MRPL35: variants seen among roughly 807,000 people sequenced by gnomAD.
MRPL35 encodes the protein large ribosomal subunit protein bL35m.
Under a neutral mutation model 21.6 loss-of-function variants are expected in MRPL35, and 18 were observed. The ratio of observed to expected loss-of-function variants is 0.83; its 90% CI spans 0.58 to 1.24. MRPL35 has a LOEUF of 1.24. MRPL35 is among the 50% of genes most tolerant of loss of function. MRPL35 has a pLI of 0.00. For synonymous variants in MRPL35, 87 were observed against 86.9 expected (o/e 1.00, Z -0.01); for missense variants, 223 against 223.2 (o/e 1.00, Z 0.01).
rs957447952 is a variant in MRPL35 at position 86,212,345 on chromosome 2, T to C, written c.*1677T>C. ...GGGACCAATAAATAAAGAACAGACA[T>C]TTGATTTGAGGTGAGGTAAAAGCCT... On this transcript the variant is annotated 3_prime_UTR_variant, in exon 4 of 4. Coordinates refer to ENST00000337109, the MANE Select transcript of MRPL35 (RefSeq NM_016622.4). The C allele has an allele frequency of 6.2e-7, 1 of 1,609,820 alleles. No individual in the cohort carries two copies. The highest frequency in any genetic ancestry group is 8.5e-7 in the Non-Finnish European group (1 of 1,178,084).
intron 1 of MRPL35, among the ~76,000 whole-genome samples, chr2:86,204,897 G>A (rs1178620547): frequency 1.3e-5 from 2 of 152,178 alleles, no homozygotes; most frequent in East Asian, 3.8e-4. Context: ...ATTACTAATA[G>A]CCTACTGTTG....
intron 1 of MRPL35, among the ~76,000 whole-genome samples, chr2:86,204,254 G>A (rs1673745511): frequency 6.6e-6 from 1 of 152,014 alleles, no homozygotes; most frequent in African/African-American, 2.4e-5. Flanking sequence ...AAAGTGCTAG[G>A]ATTACAGGCA....
chr2:86,210,042 A>G (rs906547125), intron 3 of MRPL35, among the ~76,000 whole-genome samples: 2 of 152,196 alleles, frequency 1.3e-5, no homozygotes, highest in African/African-American at 4.8e-5. Context: ...ATTAGCCCTC[A>G]GACCTCTGTC....
intron 1 of MRPL35, among the ~76,000 whole-genome samples, chr2:86,204,960 C>T (rs898344417): frequency 2.0e-5 from 3 of 152,152 alleles, no homozygotes; most frequent in Non-Finnish European, 4.4e-5. Context: ...ATTCTGAGGC[C>T]GGGCACGGTG....
Position 86,211,409 on chromosome 2 carries a change from G to C in MRPL35, c.*741G>C, listed in dbSNP as rs1168689390. On this transcript the variant is annotated 3_prime_UTR_variant, in exon 4 of 4. Coordinates refer to ENST00000337109, the MANE Select transcript of MRPL35 (RefSeq NM_016622.4). ...TAGAGTAGGGATTGGCTGTCCTTAA[G>C]TCAGGAGCCCGCTTTGTATTAGCAG... is the stretch of plus-strand genomic sequence containing the variant. 1 of 985,288 alleles carries C rather than the reference G, an allele frequency of 1.0e-6. No homozygotes were observed. The highest frequency in any genetic ancestry group is 1.2e-6 in the Non-Finnish European group (1 of 829,954). The allele number at this position is 985,288 out of a possible 1,614,324, so 61.0% of individuals were successfully genotyped here.
Position 86,210,863 on chromosome 2 carries a change from T to G in MRPL35, c.*195T>G, listed in dbSNP as rs1673890896. The G allele has an allele frequency of 3.2e-6, 4 of 1,268,384 alleles. No individual in the cohort carries two copies. The South Asian group carries it at 1.2e-4, about 37-fold the overall frequency. The allele number at this position is 1,268,384 out of a possible 1,614,324, so 78.6% of individuals were successfully genotyped here. A position where few individuals can be genotyped will look rare whatever the true frequency, so the allele number is the denominator to read the frequency against. ...CCAGATTTGGTTAGGGAAACAGAAATTTAGAATGGTGCATTATTTTTAACA... is the reference window on the plus strand; with the variant it reads ...CCAGATTTGGTTAGGGAAACAGAAAGTTAGAATGGTGCATTATTTTTAACA... On this transcript the variant is annotated 3_prime_UTR_variant, in exon 4 of 4. Coordinates refer to ENST00000337109, the MANE Select transcript of MRPL35 (RefSeq NM_016622.4).
Position 86,213,610 on chromosome 2 carries a change from C to G in MRPL35, c.*2942C>G. 1 of 1,550,282 alleles carries G rather than the reference C, an allele frequency of 6.5e-7. No individual in the cohort carries two copies. The highest frequency in any genetic ancestry group is 1.2e-5 in the South Asian group (1 of 84,018). On this transcript the variant is annotated 3_prime_UTR_variant, in exon 4 of 4. Transcript: ENST00000337109. ...GGTTTAAGGGTGGCCCTTCACCACC[C>G]TGTTGTCACCTGCACAGGCACTCCC...
chr2:86,201,913 TC>T (rs1318876151), intron 1 of MRPL35, among the ~76,000 whole-genome samples: 1 of 152,220 alleles, frequency 6.6e-6, no homozygotes, highest in Non-Finnish European at 1.5e-5. Context: ...CCTTTGTACG[TC>T]CTATTCCCTC....
chr2:86,213,699 T>C lies in MRPL35; in HGVS notation c.*3031T>C. ...ATGGACCAAACGTCTGTTTGCACAA[T>C]TGAAACTCTACCAGTGGACTATTCT... On this transcript the variant is annotated 3_prime_UTR_variant, in exon 4 of 4. Coordinates refer to ENST00000337109, the MANE Select transcript of MRPL35 (RefSeq NM_016622.4). 3 of 1,544,076 alleles carry C rather than the reference T, an allele frequency of 1.9e-6. No homozygotes were observed. Among genetic ancestry groups the C allele is most frequent in the Non-Finnish European group, 2.6e-6 (3 of 1,141,316 alleles).
At position 86,211,085 on chromosome 2, in the gene MRPL35, G is replaced by A. The variant is rs1235098471; in HGVS notation, c.*417G>A. 4 of 988,116 alleles carry A rather than the reference G, an allele frequency of 4.0e-6. No individual in the cohort carries two copies. The highest frequency in any genetic ancestry group is 9.3e-5 in the South Asian group (2 of 21,508). 61.2% of individuals were successfully genotyped at this position (988,116 alleles called of 1,614,324 possible). On this transcript the variant is annotated 3_prime_UTR_variant, in exon 4 of 4. Coordinates refer to ENST00000337109, the MANE Select transcript of MRPL35 (RefSeq NM_016622.4). Reference sequence around the variant, plus strand: ...ACTCAGAAATCACCTCCCAGCCTCAGGAAGAGTAGAAATTGGGTGGTGCTC... The same window carrying A: ...ACTCAGAAATCACCTCCCAGCCTCAAGAAGAGTAGAAATTGGGTGGTGCTC...
At position 86,207,245 on chromosome 2, in the gene MRPL35, C is replaced by T. The variant is rs201070030; in HGVS notation, c.296C>T (p.Ala99Val). Reference protein sequence around the residue: ...LPVRSLTYFSARKGKRKTVKA... With the variant: ...LPVRSLTYFSVRKGKRKTVKA... Reference sequence around the variant, plus strand: ...GTCAGATCTCTAACATACTTCAGTGCAAGAAAAGGCAAGAGAAAGACCGTG... The same window carrying T: ...GTCAGATCTCTAACATACTTCAGTGTAAGAAAAGGCAAGAGAAAGACCGTG... The change falls in exon 3 of 4, where the codon GCA becomes GTA. Residue 99 changes from alanine to valine, a missense_variant. Ala to Val is a moderately conservative substitution (Grantham distance 64). Transcript: ENST00000337109. The T allele has an allele frequency of 6.2e-7, 1 of 1,614,036 alleles. No homozygotes were observed. The highest frequency in any genetic ancestry group is 8.5e-7 in the Non-Finnish European group (1 of 1,179,952).
At position 86,211,882 on chromosome 2, in the gene MRPL35, C is replaced by T; in HGVS notation, c.*1214C>T. The T allele has an allele frequency of 2.0e-6, 2 of 985,460 alleles. No individual in the cohort carries two copies. The highest frequency in any genetic ancestry group is 1.2e-6 in the Non-Finnish European group (1 of 829,974). The allele number at this position is 985,460 out of a possible 1,614,324, so 61.0% of individuals were successfully genotyped here. ...AGGATAAACTTTTCCCACAAATTTT[C>T]AACAATCATTGTAGAAACTAAGGGG... On this transcript the variant is annotated 3_prime_UTR_variant, in exon 4 of 4. Transcript: ENST00000337109.
chr2:86,213,459 A>G lies in MRPL35; in HGVS notation c.*2791A>G, dbSNP rs1343654736. 4 of 1,333,562 alleles carry G rather than the reference A, an allele frequency of 3.0e-6. No individual in the cohort carries two copies. The highest frequency in any genetic ancestry group is 2.8e-5 in the East Asian group (1 of 35,564). 82.6% of individuals were successfully genotyped at this position (1,333,562 alleles called of 1,614,324 possible). ...TTTGTCAAACATAGAATACAGGACTAAAAATGCAAAGAAATTGGGTCTGTG... is the reference window on the plus strand; with the variant it reads ...TTTGTCAAACATAGAATACAGGACTGAAAATGCAAAGAAATTGGGTCTGTG... On this transcript the variant is annotated 3_prime_UTR_variant, in exon 4 of 4. Coordinates refer to ENST00000337109, the MANE Select transcript of MRPL35 (RefSeq NM_016622.4).
In MRPL35 at chr2:86,213,555, G is replaced by T; in HGVS notation, c.*2887G>T. ...CACCCAATGAAGTTTGAGTCTGCCT[G>T]TTCAGATGTGAAAGGTAAGGGCTGC... On this transcript the variant is annotated 3_prime_UTR_variant, in exon 4 of 4. Coordinates refer to ENST00000337109, the MANE Select transcript of MRPL35 (RefSeq NM_016622.4). 6.6e-7 allele frequency: 1 copy of T among 1,522,060 alleles called. No individual in the cohort carries two copies. Among genetic ancestry groups the T allele is most frequent in the Non-Finnish European group, 8.8e-7 (1 of 1,130,082 alleles). The allele number at this position is 1,522,060 out of a possible 1,614,324, so 94.3% of individuals were successfully genotyped here. A position where few individuals can be genotyped will look rare whatever the true frequency, so the allele number is the denominator to read the frequency against.
chr2:86,211,902 A>G lies in MRPL35; in HGVS notation c.*1234A>G. On this transcript the variant is annotated 3_prime_UTR_variant, in exon 4 of 4. Transcript: ENST00000337109. ...ATTTTCAACAATCATTGTAGAAACTAAGGGGGAGAAAGTAATCTCAGTTGT... is the reference window on the plus strand; with the variant it reads ...ATTTTCAACAATCATTGTAGAAACTGAGGGGGAGAAAGTAATCTCAGTTGT... 1 of 985,576 alleles carries G rather than the reference A, an allele frequency of 1.0e-6. No homozygotes were observed. Among genetic ancestry groups the G allele is most frequent in the Non-Finnish European group, 1.2e-6 (1 of 830,046 alleles). The allele number at this position is 985,576 out of a possible 1,614,324, so 61.1% of individuals were successfully genotyped here. A position where few individuals can be genotyped will look rare whatever the true frequency, so the allele number is the denominator to read the frequency against.
At position 86,199,659 on chromosome 2, in the gene MRPL35, G is replaced by A; in HGVS notation, c.43+126G>A. 2.4e-6 allele frequency: 3 copies of A among 1,246,448 alleles called. No homozygotes were observed. The South Asian group carries it at 3.9e-5, about 16-fold the overall frequency. 77.2% of individuals were successfully genotyped at this position (1,246,448 alleles called of 1,614,324 possible). A position where few individuals can be genotyped will look rare whatever the true frequency, so the allele number is the denominator to read the frequency against. Reference sequence around the variant, plus strand: ...TCATTATTTAAGTTAAGAAGGTTGCGCCCAATTTTCTCTGGGGCGGTGTGA... The same window carrying A: ...TCATTATTTAAGTTAAGAAGGTTGCACCCAATTTTCTCTGGGGCGGTGTGA... On this transcript the variant is annotated intron_variant, in intron 1 of 3. Coordinates refer to ENST00000337109, the MANE Select transcript of MRPL35 (RefSeq NM_016622.4).
At position 86,213,471 on chromosome 2, in the gene MRPL35, A is replaced by C; in HGVS notation, c.*2803A>C. On this transcript the variant is annotated 3_prime_UTR_variant, in exon 4 of 4. Transcript: ENST00000337109. ...AGAATACAGGACTAAAAATGCAAAG[A>C]AATTGGGTCTGTGTTTAATTTTGAT... is the stretch of plus-strand genomic sequence containing the variant. 1 of 1,335,970 alleles carries C rather than the reference A, an allele frequency of 7.5e-7. No homozygotes were observed. Among genetic ancestry groups the C allele is most frequent in the Non-Finnish European group, 9.7e-7 (1 of 1,035,340 alleles). 82.8% of individuals were successfully genotyped at this position (1,335,970 alleles called of 1,614,324 possible).
At chr2:86,204,907 G>A (rs903136873) in intron 1 of MRPL35, among the ~76,000 whole-genome samples, 1 of 152,116 alleles carries the variant, frequency 6.6e-6, no homozygotes, top group Non-Finnish European at 1.5e-5. Flanking sequence ...GCCTACTGTT[G>A]GCCAGAAGCC....
Position 86,207,237 on chromosome 2 carries a change from C to T in MRPL35, c.288C>T (p.Tyr96=). The part of the protein sequence containing the change: ...VLKLPVRSLT[Y]FSARKGKRKT... ...AGCTGCCAGTCAGATCTCTAACATACTTCAGTGCAAGAAAAGGCAAGAGAA... is the reference window on the plus strand; with the variant it reads ...AGCTGCCAGTCAGATCTCTAACATATTTCAGTGCAAGAAAAGGCAAGAGAA... The change falls in exon 3 of 4, where the codon TAC becomes TAT. Residue 96 remains tyrosine, a synonymous_variant. Transcript: ENST00000337109. 1 of 1,614,070 alleles carries T rather than the reference C, an allele frequency of 6.2e-7. No homozygotes were observed. Among genetic ancestry groups the T allele is most frequent in the Non-Finnish European group, 8.5e-7 (1 of 1,179,956 alleles).
Sources: allele counts gnomAD v4.1 joint callset (sites outside exome capture counted in the v4.1 genomes callset), GRCh38; gene constraint gnomAD v4.1.1; transcripts MANE v1.5; gene names NCBI Gene and HGNC (gene_info 2026-07-23, HGNC 2026-07-21).